ZFC3H1: variants seen among roughly 807,000 people sequenced by gnomAD.
The protein encoded by ZFC3H1 is zinc finger C3H1 domain-containing protein.
In ZFC3H1, 71 loss-of-function variants were observed where a neutral mutation model predicts 243.7. The ratio of observed to expected loss-of-function variants is 0.29; its 90% CI spans 0.24 to 0.36. The LOEUF is 0.36. ZFC3H1 is among the 10% of genes least tolerant of loss of function. The pLI, the probability that ZFC3H1 is intolerant of heterozygous loss-of-function variation, is 1.00. For missense variants in ZFC3H1, 1,966 were observed against 2,317.1 expected, an observed-to-expected ratio of 0.85 and a Z score of 3.11; for synonymous variants, 838 against 813.0, an observed-to-expected ratio of 1.03 and a Z score of -0.52.
chr12:71,635,399 ATC>A, intron 10 of ZFC3H1, 42 bp downstream of exon 10: 1 of 1,541,044 alleles, frequency 6.5e-7, no homozygotes. Context: ...TTTACTGATC[ATC>A]AAAAGGTCAT....
rs1039753491 is a variant in ZFC3H1 at position 71,614,021 on chromosome 12, CATTA to C, written c.5526+510_5526+513del. Among the ~76,000 whole-genome samples the C allele has an allele frequency of 7.2e-5, 11 of 152,220 alleles. No individual in the cohort carries two copies. In the East Asian group the frequency reaches 1.5e-3, roughly 21 times the overall value. ...TTAAAAGATAATCACAAAACTATAT[CATTA>C]ATTAGATTCTACTTTTAGAATTATA... On this transcript the variant is annotated intron_variant, in intron 30 of 34. Coordinates refer to ENST00000378743, the MANE Select transcript of ZFC3H1 (RefSeq NM_144982.5).
At position 71,663,453 on chromosome 12, in the gene ZFC3H1, G is replaced by C; in HGVS notation, c.158C>G (p.Pro53Arg). Residue 53 changes from proline (P) to arginine (R), a missense_variant, in exon 1 of 35, where the codon CCG (proline) becomes CGG (arginine). Coordinates refer to ENST00000378743, the MANE Select transcript of ZFC3H1 (RefSeq NM_144982.5). ...SSSGGGLLPY[P>R]RRRPPHSARG... ...GGCCGAGTGAGGAGGCCTTCGCCGC[G>C]GATAGGGTAACAGCCCGCCGCCGCT... The C allele has an allele frequency of 6.2e-7, 1 of 1,612,294 alleles. No homozygotes were observed. The highest frequency in any genetic ancestry group is 8.5e-7 in the Non-Finnish European group (1 of 1,180,026).
At chr12:71,623,334 T>C (rs949486935) in intron 24 of ZFC3H1, 26 bp downstream of exon 24, 6 of 1,542,054 alleles carry the variant, frequency 3.9e-6, no homozygotes, top group East Asian at 4.5e-5. Context: ...ACAGTTGATA[T>C]TACAATTTAT....
At chr12:71,618,949 T>A (rs903852237) in intron 27 of ZFC3H1, among the ~76,000 whole-genome samples, 1 of 152,236 alleles carries the variant, frequency 6.6e-6, no homozygotes, top group African/African-American at 2.4e-5. Context: ...GTCACTTTGA[T>A]GACCTATCAA....
In ZFC3H1 at chr12:71,660,919, C is replaced by A. The variant is rs544127783; in HGVS notation, c.598+2094G>T. 5.9e-5 allele frequency among the ~76,000 whole-genome samples: 9 copies of A among 151,718 alleles called. No homozygotes were observed. The East Asian group carries it at 1.2e-3, about 20-fold the overall frequency. ...CTTGAAGCTACAAGTTCAAGATCAG[C>A]CTGGGCAACATAGCAAGACTTCGTC... is the stretch of plus-strand genomic sequence containing the variant. On this transcript the variant is annotated intron_variant, in intron 1 of 34. Transcript: ENST00000378743.
Position 71,663,155 on chromosome 12 carries a change from C to T in ZFC3H1, c.456G>A (p.Arg152=), listed in dbSNP as rs776694948. 1.7e-5 allele frequency: 27 copies of T among 1,614,006 alleles called. No homozygotes were observed. Among genetic ancestry groups the T allele is most frequent in the Non-Finnish European group, 1.9e-5 (23 of 1,180,028 alleles). ...DRFRFRGRPY[R]GGSRWSRGRG... is the part of the protein sequence containing the mutation. ...GCCCCCGACTCCAGCGACTCCCACC[C>T]CGGTAAGGCCTGCCTCGAAAGCGGA... Residue 152 remains arginine, a synonymous_variant, in exon 1 of 35, where the codon CGG becomes CGA. Coordinates refer to ENST00000378743, the MANE Select transcript of ZFC3H1 (RefSeq NM_144982.5).
In ZFC3H1 at chr12:71,632,032, G is replaced by A. The variant is rs763026709; in HGVS notation, c.3300C>T (p.Ser1100=). ...TGGTTTTTAAAATCAGCTGTTTTAG[G>A]CTGTCAGCTTTTGAATACAATTTTT... ...ELQKLYSKAD[S]LKQLILKTTT... is the part of the protein sequence containing the mutation. Residue 1100 remains serine (S), a synonymous_variant, in exon 15 of 35, where the codon AGC becomes AGT. Coordinates refer to ENST00000378743, the MANE Select transcript of ZFC3H1 (RefSeq NM_144982.5). The A allele has an allele frequency of 1.9e-6, 3 of 1,608,354 alleles. No individual in the cohort carries two copies. The Admixed American group carries it at 5.1e-5, about 27-fold the overall frequency.
At chr12:71,631,706 A>G (rs1880326895) in intron 16 of ZFC3H1, 72 bp downstream of exon 16, 1 of 1,271,054 alleles carries the variant, frequency 7.9e-7, no homozygotes, top group Non-Finnish European at 1.1e-6. Context: ...TTATCATCAA[A>G]TATTCAAGAT....
intron 27 of ZFC3H1, among the ~76,000 whole-genome samples, chr12:71,616,036 T>A (rs923052475): frequency 7.2e-5 from 11 of 152,040 alleles, no homozygotes; most frequent in African/African-American, 2.7e-4. Flanking sequence ...ACACCTGTAA[T>A]CCCAGCACTT....
At position 71,663,338 on chromosome 12, in the gene ZFC3H1, G is replaced by A. The variant is rs764655268; in HGVS notation, c.273C>T (p.His91=). The change falls in exon 1 of 35, where the codon CAC becomes CAT. Residue 91 remains histidine (H), a synonymous_variant. Coordinates refer to ENST00000378743, the MANE Select transcript of ZFC3H1 (RefSeq NM_144982.5). The part of the protein sequence containing the change: ...QQLRNFSRSR[H]ASERGHLRGP... ...CCCTGAGGTGGCCCCGCTCAGACGC[G>A]TGCCGCGAGCGTGAGAAATTCCTCA... 1.2e-6 allele frequency: 2 copies of A among 1,613,222 alleles called. No homozygotes were observed. The highest frequency in any genetic ancestry group is 1.1e-5 in the South Asian group (1 of 91,086).
chr12:71,618,291 C>A (rs370497571), intron 27 of ZFC3H1, among the ~76,000 whole-genome samples: 3,955 of 147,306 alleles, frequency 0.027, 150 homozygotes, highest in African/African-American at 0.093. Flanking sequence ...AAAAAAAAAA[C>A]AAAAACAAAA....
rs1880567127 is a variant in ZFC3H1 at position 71,640,255 on chromosome 12, C to G, written c.1628-1740G>C. Among the ~76,000 whole-genome samples the G allele has an allele frequency of 2.0e-5, 3 of 152,304 alleles. No homozygotes were observed. The South Asian group carries it at 6.2e-4, about 32-fold the overall frequency. ...CAGGCTGGTTTTGAACTGCTGACCT[C>G]AGGTGATCCTCCCGCCTCGGCCTCC... On this transcript the variant is annotated intron_variant, in intron 6 of 34. Transcript: ENST00000378743.
chr12:71,638,076 T>C (rs1222794697), intron 7 of ZFC3H1, among the ~76,000 whole-genome samples: 2 of 152,130 alleles, frequency 1.3e-5, no homozygotes, highest in Non-Finnish European at 2.9e-5. Context: ...TCCTAATGCA[T>C]GTAAATTCCA....
At chr12:71,658,150 C>T (rs76240607) in intron 1 of ZFC3H1, among the ~76,000 whole-genome samples, 1 of 152,064 alleles carries the variant, frequency 6.6e-6, no homozygotes, top group African/African-American at 2.4e-5. Flanking sequence ...TTAGAAACAG[C>T]TACAAAATTT....
At chr12:71,639,998 T>A (rs191530374) in intron 6 of ZFC3H1, among the ~76,000 whole-genome samples, 4 of 152,162 alleles carry the variant, frequency 2.6e-5, no homozygotes, top group Admixed American at 2.6e-4. Flanking sequence ...ATTGTGCTCT[T>A]GATTCTGTGT....
intron 22 of ZFC3H1, among the ~76,000 whole-genome samples, 158 bp from the exon 23 acceptor site, chr12:71,624,450 A>C (rs1880108338): frequency 6.6e-6 from 1 of 152,238 alleles, no homozygotes; most frequent in Admixed American, 6.5e-5. Flanking sequence ...CTAGTACTAC[A>C]ACCTAGACTC....
At chr12:71,647,606 T>G in intron 3 of ZFC3H1, 143 bp downstream of exon 3, 2 of 514,182 alleles carry the variant, frequency 3.9e-6, no homozygotes, top group Non-Finnish European at 6.8e-6. Context: ...AGAATTTCTT[T>G]AAGGCTTATG....
Position 71,663,517 on chromosome 12 carries a change from T to G in ZFC3H1, c.94A>C (p.Asn32His). 1 of 1,613,618 alleles carries G rather than the reference T, an allele frequency of 6.2e-7. No individual in the cohort carries two copies. Among genetic ancestry groups the G allele is most frequent in the South Asian group, 1.1e-5 (1 of 91,086 alleles). Residue 32 changes from asparagine to histidine, a missense_variant, in exon 1 of 35, where the codon AAT becomes CAT. Around this residue, in one of 4 missense-constraint regions of ZFC3H1, gnomAD observed 484 missense variants for 449.7 expected, o/e 1.08. Transcript: ENST00000378743. ...LEDGEISDDD[N>H]NSQIRSRSSS... ...CTCCGACTCCGTATCTGGCTGTTAT[T>G]ATCGTCGTCACTGATTTCCCCATCT...
At chr12:71,616,841 T>C (rs1879905643) in intron 27 of ZFC3H1, among the ~76,000 whole-genome samples, 2 of 152,172 alleles carry the variant, frequency 1.3e-5, no homozygotes, top group South Asian at 4.1e-4. Flanking sequence ...TACATCACCA[T>C]GAGTTAATCC....
Sources: gnomAD v4.1 joint callset for allele counts (sites outside exome capture counted in the v4.1 genomes callset) on GRCh38, gnomAD v4.1.1 for gene constraint, gnomAD v4.1.1 regional missense constraint, MANE v1.5 for transcripts, NCBI Gene and HGNC (gene_info 2026-07-23, HGNC 2026-07-21) for gene names.